Variants in RRM1 observed in about 807,000 individuals in gnomAD.
RRM1 encodes ribonucleotide reductase catalytic subunit M1, also known as ribonucleoside-diphosphate reductase large subunit.
Under a neutral mutation model 101.5 loss-of-function variants are expected in RRM1, and 19 were observed. That is an observed-to-expected ratio of 0.19 (90% confidence interval 0.13 to 0.27). The LOEUF (loss-of-function observed/expected upper bound fraction) is 0.27, where lower values mean the gene tolerates loss of function less well. Among genes scored for constraint, RRM1 ranks in the 10% least tolerant of loss-of-function variants. The pLI is 1.00. For missense variants in RRM1, 500 were observed against 962.9 expected (o/e 0.52, Z 6.36); for synonymous variants, 298 against 323.4 (o/e 0.92, Z 0.84).
At chr11:4,115,650 G>A (rs537508719) in intron 7 of RRM1, among the ~76,000 whole-genome samples, 11 of 152,092 alleles carry the variant, frequency 7.2e-5, no homozygotes, top group Admixed American at 1.3e-4. Context: ...TCTGCCTCCC[G>A]GGTTCAAGCA....
chr11:4,095,139 C>T (rs904958613), intron 1 of RRM1, 108 bp downstream of exon 1: 118 of 1,327,314 alleles, frequency 8.9e-5, no homozygotes, highest in Non-Finnish European at 1.1e-4. Context: ...CCCGCCTTTC[C>T]CGCATTTCCC....
chr11:4,110,152 A>T (rs902241922), intron 5 of RRM1, among the ~76,000 whole-genome samples: 9 of 150,276 alleles, frequency 6.0e-5, no homozygotes, highest in East Asian at 2.0e-4. Context: ...AAATTTAATT[A>T]AAAAAAAATT....
At chr11:4,122,491 G>T (rs4910886) in intron 11 of RRM1, among the ~76,000 whole-genome samples, 56,732 of 151,998 alleles carry the variant, frequency 0.37, 10,724 homozygotes, top group African/African-American at 0.43. Context: ...TTATTATTTT[G>T]CTCTGTCATA....
chr11:4,128,633 A>G (rs901733194), intron 14 of RRM1, among the ~76,000 whole-genome samples: 21 of 152,268 alleles, frequency 1.4e-4, no homozygotes, highest in African/African-American at 4.8e-4. Flanking sequence ...TATCAGTACT[A>G]TGATTCTTTA....
At chr11:4,130,086 A>ATATATATATATATATTT (rs1202870487) in intron 15 of RRM1, among the ~76,000 whole-genome samples, 7 of 99,444 alleles carry the variant, frequency 7.0e-5, no homozygotes, top group African/African-American at 3.2e-4. Context: ...ATATATATAT[A>ATATATATATATATATTT]TTTTTTTTTT....
intron 3 of RRM1, 147 bp downstream of exon 3, chr11:4,106,370 A>G (rs72555772): frequency 1.1e-3 from 744 of 674,024 alleles, no homozygotes; most frequent in Non-Finnish European, 1.4e-3. Flanking sequence ...AGGCCAAGGC[A>G]GGCAAATCGC....
chr11:4,134,321 C>A (rs1197855218), intron 17 of RRM1, among the ~76,000 whole-genome samples: 3 of 152,018 alleles, frequency 2.0e-5, no homozygotes, highest in Admixed American at 2.0e-4. Context: ...CAAAGTATAT[C>A]AAAATTTGGG....
intron 7 of RRM1, among the ~76,000 whole-genome samples, chr11:4,113,111 A>G (rs2094567848): frequency 9.2e-6 from 1 of 109,224 alleles, no homozygotes; most frequent in Non-Finnish European, 2.1e-5. Flanking sequence ...CGGTCTGGTA[A>G]TACATTAAAA....
At chr11:4,110,917 C>T (rs1206978530) in intron 5 of RRM1, among the ~76,000 whole-genome samples, 3 of 151,838 alleles carry the variant, frequency 2.0e-5, no homozygotes, top group East Asian at 1.9e-4. Flanking sequence ...ATGAGTGTAA[C>T]GAGTGTATAT....
chr11:4,103,892 G>A (rs990890842), intron 2 of RRM1, among the ~76,000 whole-genome samples: 9 of 137,166 alleles, frequency 6.6e-5, no homozygotes, highest in African/African-American at 2.5e-4. Flanking sequence ...GCCTCCCAAA[G>A]TGCTGGGATT....
chr11:4,125,929 A>G (rs1408953428), intron 12 of RRM1, among the ~76,000 whole-genome samples: 1 of 152,250 alleles, frequency 6.6e-6, no homozygotes. Context: ...TCAGTAGTCC[A>G]TGTGAGAGAA....
intron 4 of RRM1, among the ~76,000 whole-genome samples, chr11:4,108,337 G>A (rs1370433861): frequency 6.6e-6 from 1 of 152,112 alleles, no homozygotes; most frequent in Non-Finnish European, 1.5e-5. Context: ...GGTAGCTCAC[G>A]CCTGTAATCC....
intron 4 of RRM1, 28 bp downstream of exon 4, chr11:4,107,563 T>G (rs751412515): frequency 2.8e-6 from 4 of 1,443,508 alleles, no homozygotes; most frequent in Admixed American, 1.8e-5. Flanking sequence ...CTGGTGGAAA[T>G]TTTTTGAGAG....
intron 1 of RRM1, chr11:4,099,277 T>TTACA (rs2094547561): frequency 7.0e-6 from 1 of 143,858 alleles, no homozygotes; most frequent in Admixed American, 7.1e-5. Context: ...GTAGCTGGGA[T>TTACA]TACAGCATAC....
In RRM1 at chr11:4,132,520, G is replaced by T; in HGVS notation, c.1905+99G>T. ...TTTAATTTGCCCATTTTCTTAGTTT[G>T]GGTGCAAACTTTGATAAAGACAGTC... On this transcript the variant is annotated intron_variant, in intron 16 of 18. Transcript: ENST00000300738. This position sits in a 1 kb window ranked among gnomAD's most constrained non-coding sequence, Gnocchi z 4.1. 1.5e-6 allele frequency: 2 copies of T among 1,311,148 alleles called. No individual in the cohort carries two copies. The highest frequency in any genetic ancestry group is 1.3e-5 in the South Asian group (1 of 75,088). The allele number at this position is 1,311,148 out of a possible 1,614,324, so 81.2% of individuals were successfully genotyped here.
intron 4 of RRM1, among the ~76,000 whole-genome samples, chr11:4,108,021 A>G (rs895923977): frequency 6.6e-6 from 1 of 152,258 alleles, no homozygotes; most frequent in Non-Finnish European, 1.5e-5. Context: ...AGATGAATAT[A>G]TCTGTAAGAT....
In RRM1 at chr11:4,100,414, C is replaced by A. The variant is rs150702583; in HGVS notation, c.20-1579C>A. Among the ~76,000 whole-genome samples, 867 of 152,228 alleles carry A rather than the reference C, an allele frequency of 5.7e-3. 10 individuals are homozygous for A. Among genetic ancestry groups the A allele is most frequent in the African/African-American group, 0.02 (835 of 41,532 alleles). On this transcript the variant is annotated intron_variant, in intron 1 of 18. Coordinates refer to ENST00000300738, the MANE Select transcript of RRM1 (RefSeq NM_001033.5). ...GATTTGTTTCAGATTTTGGAATATT[C>A]GCATTATACTTACTGGTTGGGCATC...
chr11:4,105,520 T>A (rs948560900), intron 2 of RRM1: 2 of 386,824 alleles, frequency 5.2e-6, no homozygotes, highest in East Asian at 7.7e-5. Context: ...TGTGAGCCAC[T>A]GTGCCCAACC....
At chr11:4,113,892 C>T (rs978503022) in intron 7 of RRM1, among the ~76,000 whole-genome samples, 1 of 151,774 alleles carries the variant, frequency 6.6e-6, no homozygotes, top group African/African-American at 2.4e-5. Context: ...GTTGGGAGGC[C>T]GAGGCGGGCG....
Sources: allele counts gnomAD v4.1 joint callset (sites outside exome capture counted in the v4.1 genomes callset), GRCh38; gene constraint gnomAD v4.1.1; non-coding constraint Gnocchi (gnomAD v3.1); transcripts MANE v1.5; gene names NCBI Gene and HGNC (gene_info 2026-07-23, HGNC 2026-07-21).